Variants in CNTNAP2 observed in about 807,000 individuals in gnomAD.
The protein encoded by CNTNAP2 is contactin-associated protein-like 2.
Under a neutral mutation model 155.2 loss-of-function variants are expected in CNTNAP2, and 98 were observed. The ratio of observed to expected loss-of-function variants is 0.63; its 90% CI spans 0.54 to 0.75. CNTNAP2 has a LOEUF of 0.75. Ranked by LOEUF, CNTNAP2 falls within the 30% of genes least tolerant of loss-of-function variation. The pLI is 0.00. For synonymous variants in CNTNAP2, 651 were observed against 631.2 expected, an observed-to-expected ratio of 1.03 and a Z score of -0.47; for missense variants, 1,727 against 1,688.1, an observed-to-expected ratio of 1.02 and a Z score of -0.40.
At chr7:147,016,764 T>C (rs1018189575) in intron 3 of CNTNAP2, among the ~76,000 whole-genome samples, 1 of 152,056 alleles carries the variant, frequency 6.6e-6, no homozygotes, top group Admixed American at 6.6e-5. Flanking sequence ...AATTACTTAA[T>C]TGTTTTTCAA....
chr7:146,495,668 G>T (rs756029761), intron 1 of CNTNAP2, among the ~76,000 whole-genome samples: 11 of 151,608 alleles, frequency 7.3e-5, no homozygotes, highest in Non-Finnish European at 1.3e-4. Flanking sequence ...TGTATGCTTG[G>T]TTTTTTGAGG....
intron 1 of CNTNAP2, among the ~76,000 whole-genome samples, chr7:146,340,445 T>A (rs973218296): frequency 3.9e-5 from 6 of 151,950 alleles, no homozygotes; most frequent in African/African-American, 1.4e-4. Context: ...GAAAACAGAA[T>A]GCTAAAGCTA....
At chr7:148,351,223 G>A (rs951571755) in intron 21 of CNTNAP2, among the ~76,000 whole-genome samples, 9 of 152,124 alleles carry the variant, frequency 5.9e-5, no homozygotes, top group African/African-American at 1.9e-4. Context: ...GAGGTAGGGA[G>A]GCTAGTGGGG....
At chr7:147,445,065 C>T (rs1022154262) in intron 10 of CNTNAP2, among the ~76,000 whole-genome samples, 7 of 151,666 alleles carry the variant, frequency 4.6e-5, no homozygotes, top group Admixed American at 4.6e-4. Context: ...GAAGAATCCG[C>T]CCCCATGATC....
chr7:146,149,064 G>T (rs1251865691), intron 1 of CNTNAP2, among the ~76,000 whole-genome samples: 1 of 151,940 alleles, frequency 6.6e-6, no homozygotes, highest in Non-Finnish European at 1.5e-5. Context: ...AAGGCATTAG[G>T]AGATACACCT....
At chr7:147,332,761 C>A (rs1795594972) in intron 9 of CNTNAP2, among the ~76,000 whole-genome samples, 1 of 152,074 alleles carries the variant, frequency 6.6e-6, no homozygotes, top group African/African-American at 2.4e-5. Context: ...ACTCGGGAGG[C>A]TGAGGCAGGG....
intron 21 of CNTNAP2, among the ~76,000 whole-genome samples, chr7:148,368,976 C>T (rs1798836023): frequency 6.6e-6 from 1 of 152,078 alleles, no homozygotes; most frequent in Non-Finnish European, 1.5e-5. Flanking sequence ...ACTGGGCTAC[C>T]TGCCTTTAGT....
intron 1 of CNTNAP2, among the ~76,000 whole-genome samples, chr7:146,382,559 A>T (rs1437821092): frequency 1.3e-5 from 2 of 152,226 alleles, no homozygotes; most frequent in Non-Finnish European, 2.9e-5. Flanking sequence ...TATAAAGTAC[A>T]TATAATTACT....
intron 3 of CNTNAP2, among the ~76,000 whole-genome samples, chr7:146,963,611 T>C (rs1489046150): frequency 6.6e-6 from 1 of 152,172 alleles, no homozygotes; most frequent in Non-Finnish European, 1.5e-5. Context: ...TTCAGATTTT[T>C]TTGACAGCAC....
chr7:146,551,167 T>G (rs952938180), intron 1 of CNTNAP2, among the ~76,000 whole-genome samples: 1 of 152,106 alleles, frequency 6.6e-6, no homozygotes, highest in African/African-American at 2.4e-5. Flanking sequence ...TTACACCATA[T>G]AGTACGAACG....
intron 17 of CNTNAP2, among the ~76,000 whole-genome samples, chr7:148,160,189 G>A (rs6942691): frequency 0.28 from 42,550 of 151,950 alleles, 6,218 homozygotes; most frequent in African/African-American, 0.34. Flanking sequence ...GCAGTGAGCC[G>A]TAATTGTGTC....
intron 13 of CNTNAP2, among the ~76,000 whole-genome samples, chr7:147,835,356 A>G (rs1486815212): frequency 2.0e-5 from 3 of 152,086 alleles, no homozygotes; most frequent in African/African-American, 7.2e-5. Context: ...GTAAAGTGTC[A>G]CTCCTCGTTT....
chr7:146,499,928 A>G (rs894038385), intron 1 of CNTNAP2, among the ~76,000 whole-genome samples: 2 of 152,104 alleles, frequency 1.3e-5, no homozygotes, highest in South Asian at 2.1e-4. Context: ...CAAGTCTTAC[A>G]CTTTTGTGTG....
chr7:147,437,875 T>G (rs982367184), intron 10 of CNTNAP2, among the ~76,000 whole-genome samples: 7 of 152,116 alleles, frequency 4.6e-5, no homozygotes, highest in African/African-American at 1.7e-4. Flanking sequence ...CTTTCGTGTT[T>G]TATACTTTTC....
intron 13 of CNTNAP2, among the ~76,000 whole-genome samples, chr7:147,858,804 A>C (rs1584994868): frequency 6.6e-6 from 1 of 152,202 alleles, no homozygotes; most frequent in African/African-American, 2.4e-5. Flanking sequence ...AACTAGTAAG[A>C]TGCATGGAAA....
chr7:146,367,098 A>C (rs189366669), intron 1 of CNTNAP2, among the ~76,000 whole-genome samples: 39 of 152,252 alleles, frequency 2.6e-4, no homozygotes, highest in African/African-American at 9.4e-4. Context: ...TCTCTGCCAA[A>C]GTTTTCAAGG....
chr7:146,389,744 A>G (rs2129106385), intron 1 of CNTNAP2, among the ~76,000 whole-genome samples: 1 of 137,692 alleles, frequency 7.3e-6, no homozygotes, highest in South Asian at 2.2e-4. Flanking sequence ...TCTGTCACTC[A>G]GGCTGGAGTG....
rs542516616 is a variant in CNTNAP2 at position 147,476,254 on chromosome 7, C to T, written c.1671-9681C>T. On this transcript the variant is annotated intron_variant, in intron 10 of 23. Coordinates refer to ENST00000361727, the MANE Select transcript of CNTNAP2 (RefSeq NM_014141.6). ...CCGAGTAGCTGGGACTACAGGCGCC[C>T]GCCACCATGCCCAGCTACTTTTTTG... 2.6e-4 allele frequency among the ~76,000 whole-genome samples: 39 copies of T among 151,942 alleles called. No individual in the cohort carries two copies. The East Asian group carries it at 6.3e-3, about 24-fold the overall frequency.
In CNTNAP2 at chr7:147,974,075, T is replaced by G. The variant is rs569489082; in HGVS notation, c.2256-3787T>G. Among the ~76,000 whole-genome samples, 256 of 116,920 alleles carry G rather than the reference T, an allele frequency of 2.2e-3. 1 individual carries two copies. Among genetic ancestry groups the G allele is most frequent in the Admixed American group, 3.6e-3 (47 of 13,150 alleles). 76.7% of individuals were successfully genotyped at this position (116,920 alleles called of 152,430 possible). On this transcript the variant is annotated intron_variant, in intron 14 of 23. Transcript: ENST00000361727. ...AATGCCTGCTTTTAGTATTAAAAAT[T>G]TTTTTAAGTTCAAAACCTACTAAAA... is the stretch of plus-strand genomic sequence containing the variant.
Sources: gnomAD v4.1 joint callset for allele counts (sites outside exome capture counted in the v4.1 genomes callset) on GRCh38, gnomAD v4.1.1 for gene constraint, MANE v1.5 for transcripts, NCBI Gene and HGNC (gene_info 2026-07-23, HGNC 2026-07-21) for gene names.